The following ANKIB1 variants were observed in gnomAD, a reference collection of about 807,000 sequenced individuals.
The protein encoded by ANKIB1 is ankyrin repeat and IBR domain containing 1, also known as ankyrin repeat and IBR domain-containing protein 1.
A neutral mutation model predicts 122.1 loss-of-function variants in ANKIB1; 43 were observed. That is an observed-to-expected ratio of 0.35 (90% CI 0.28 to 0.45). The LOEUF is 0.45. Among genes scored for constraint, ANKIB1 ranks in the 20% least tolerant of loss-of-function variants. The pLI is 1.00. For missense variants in ANKIB1, 992 were observed against 1,329.5 expected, an observed-to-expected ratio of 0.75 and a Z score of 3.95; for synonymous variants, 390 against 442.0, an observed-to-expected ratio of 0.88 and a Z score of 1.48.
chr7:92,397,301 C>T (rs2115728985), intron 18 of ANKIB1, among the ~76,000 whole-genome samples: 1 of 152,104 alleles, frequency 6.6e-6, no homozygotes, highest in East Asian at 1.9e-4. Flanking sequence ...TCCTGACCAA[C>T]ATGGTGAAAC....
intron 11 of ANKIB1, 122 bp from the exon 12 acceptor site, chr7:92,386,386 GA>G: frequency 9.3e-7 from 1 of 1,075,078 alleles, no homozygotes; most frequent in Non-Finnish European, 1.3e-6. Context: ...ATGTCTTTGA[GA>G]AGATTTATTA....
At chr7:92,354,142 A>T (rs1585122371) in intron 9 of ANKIB1, among the ~76,000 whole-genome samples, 1 of 152,300 alleles carries the variant, frequency 6.6e-6, no homozygotes, top group East Asian at 1.9e-4. Flanking sequence ...GCTGCAAGTA[A>T]TAATAAGTTT....
rs369316507 is a variant in ANKIB1, at chr7:92,390,588, A to G, written c.2052+472A>G. Among the ~76,000 whole-genome samples, 48 of 152,332 alleles carry G rather than the reference A, an allele frequency of 3.2e-4. 1 individual carries two copies. Among genetic ancestry groups the G allele is most frequent in the African/African-American group, 9.9e-4 (41 of 41,588 alleles). On this transcript the variant is annotated intron_variant, in intron 15 of 19. Coordinates refer to ENST00000265742, the MANE Select transcript of ANKIB1 (RefSeq NM_019004.2). ...CTATAGCCAAATAACTTCATTGTGC[A>G]TTTCTTTTCTTTTGAAGCCACTAAA...
intron 1 of ANKIB1, among the ~76,000 whole-genome samples, chr7:92,286,670 G>C (rs1301334869): frequency 6.6e-6 from 1 of 151,948 alleles, no homozygotes; most frequent in Non-Finnish European, 1.5e-5. Context: ...GTAGAGATGG[G>C]GTTTCACCAT....
At chr7:92,252,523 A>G (rs746942539) in intron 1 of ANKIB1, among the ~76,000 whole-genome samples, 55 of 151,756 alleles carry the variant, frequency 3.6e-4, no homozygotes, top group East Asian at 3.9e-4. Flanking sequence ...AGTAGCTGAG[A>G]TTACAGGCAC....
Position 92,330,044 on chromosome 7 carries a change from T to C in ANKIB1, c.787+2144T>C, listed in dbSNP as rs528224746. Among the ~76,000 whole-genome samples the C allele has an allele frequency of 2.0e-5, 3 of 152,316 alleles. No homozygotes were observed. In the South Asian group the frequency reaches 6.2e-4, roughly 32 times the overall value. On this transcript the variant is annotated intron_variant, in intron 5 of 19. Coordinates refer to ENST00000265742, the MANE Select transcript of ANKIB1 (RefSeq NM_019004.2). ...TTTGGTAGACTTTATGACATAATCT[T>C]TACCTAGACTGTCAGTCTTCCCATT... is the stretch of plus-strand genomic sequence containing the variant.
intron 1 of ANKIB1, among the ~76,000 whole-genome samples, chr7:92,272,230 A>G (rs1801811448): frequency 6.6e-6 from 1 of 152,244 alleles, no homozygotes; most frequent in Non-Finnish European, 1.5e-5. Context: ...AAGGCATATC[A>G]GTGAAATTTT....
At chr7:92,296,972 G>A (rs1263216221) in intron 2 of ANKIB1, among the ~76,000 whole-genome samples, 2 of 152,010 alleles carry the variant, frequency 1.3e-5, no homozygotes, top group Non-Finnish European at 2.9e-5. Flanking sequence ...CAGCTTAGTT[G>A]TTTGAAATTT....
chr7:92,378,925 C>A (rs1804447729), intron 11 of ANKIB1, among the ~76,000 whole-genome samples: 1 of 152,118 alleles, frequency 6.6e-6, no homozygotes, highest in Admixed American at 6.5e-5. Context: ...AACAACAATA[C>A]TGAAAGGCCT....
At chr7:92,332,535 A>G (rs1319206543) in intron 5 of ANKIB1, among the ~76,000 whole-genome samples, 1 of 152,202 alleles carries the variant, frequency 6.6e-6, no homozygotes. Flanking sequence ...TACAAAGGTC[A>G]TTTTCTGAGT....
intron 11 of ANKIB1, among the ~76,000 whole-genome samples, chr7:92,379,752 A>T (rs150589531): frequency 6.6e-6 from 1 of 152,332 alleles, no homozygotes; most frequent in Non-Finnish European, 1.5e-5. Flanking sequence ...AAGTTTCTTT[A>T]AAAAATAAAA....
At position 92,371,615 on chromosome 7, in the gene ANKIB1, G is replaced by T; in HGVS notation, c.1617+8G>T. The T allele has an allele frequency of 6.3e-7, 1 of 1,593,816 alleles. No homozygotes were observed. The highest frequency in any genetic ancestry group is 8.5e-7 in the Non-Finnish European group (1 of 1,169,830). ...CACATGCAGTGTGCTAAGGTAAGAAGTTAAAGAGGATTTTGCATGCTTTGC... is the reference window on the plus strand; with the variant it reads ...CACATGCAGTGTGCTAAGGTAAGAATTTAAAGAGGATTTTGCATGCTTTGC... On this transcript the variant is annotated splice_region_variant and intron_variant, in intron 11 of 19. Transcript: ENST00000265742.
At chr7:92,282,092 T>C (rs1802021658) in intron 1 of ANKIB1, among the ~76,000 whole-genome samples, 1 of 152,148 alleles carries the variant, frequency 6.6e-6, no homozygotes, top group African/African-American at 2.4e-5. Flanking sequence ...AAAATATGAT[T>C]GATTTAGGTT....
intron 6 of ANKIB1, among the ~76,000 whole-genome samples, chr7:92,343,913 C>T (rs1803483223): frequency 6.6e-6 from 1 of 152,090 alleles, no homozygotes; most frequent in African/African-American, 2.4e-5. Context: ...GCATTTTTAA[C>T]TGGCATATCA....
In ANKIB1 at chr7:92,309,543, C is replaced by T. The variant is rs572415318; in HGVS notation, c.486+1887C>T. Among the ~76,000 whole-genome samples the T allele has an allele frequency of 9.9e-5, 15 of 152,250 alleles. No homozygotes were observed. The East Asian group carries it at 2.7e-3, about 27-fold the overall frequency. ...TGTGGAAGAATTCCTGCTATAATGA[C>T]TCACCATTATTGATGGGACTGCATC... On this transcript the variant is annotated intron_variant, in intron 3 of 19. Transcript: ENST00000265742.
intron 7 of ANKIB1, among the ~76,000 whole-genome samples, chr7:92,347,288 T>G (rs948695876): frequency 5.9e-5 from 9 of 152,108 alleles, no homozygotes; most frequent in African/African-American, 9.7e-5. Flanking sequence ...TTTTTTTGTT[T>G]TGTTTTTTGT....
At chr7:92,251,991 C>T (rs1404449753) in intron 1 of ANKIB1, among the ~76,000 whole-genome samples, 1 of 152,016 alleles carries the variant, frequency 6.6e-6, no homozygotes, top group Non-Finnish European at 1.5e-5. Context: ...TAAGTTTATG[C>T]CCTGTATTCT....
rs1236081451 is a variant in ANKIB1 at position 92,372,735 on chromosome 7, GTTA to G, written c.1617+1132_1617+1134del. On this transcript the variant is annotated intron_variant, in intron 11 of 19. Coordinates refer to ENST00000265742, the MANE Select transcript of ANKIB1 (RefSeq NM_019004.2). ...GTGTTTAAAACAAATATGCTGGTAT[GTTA>G]TTAATAACATTTTATTAATCCCTAC... is the stretch of plus-strand genomic sequence containing the variant. Among the ~76,000 whole-genome samples, 11 of 152,200 alleles carry G rather than the reference GTTA, an allele frequency of 7.2e-5. No individual in the cohort carries two copies. The South Asian group carries it at 2.1e-3, about 29-fold the overall frequency.
chr7:92,395,124 C>T (rs980339706), intron 17 of ANKIB1, among the ~76,000 whole-genome samples: 1 of 152,090 alleles, frequency 6.6e-6, no homozygotes, highest in Non-Finnish European at 1.5e-5. Context: ...TCTTCTCTTC[C>T]CTTCTCTTTT....
Sources: gnomAD v4.1 joint callset for allele counts (sites outside exome capture counted in the v4.1 genomes callset) on GRCh38, gnomAD v4.1.1 for gene constraint, MANE v1.5 for transcripts, NCBI Gene and HGNC (gene_info 2026-07-23, HGNC 2026-07-21) for gene names.